The following ARMC9 variants were observed in gnomAD, a reference collection of about 807,000 sequenced individuals.
ARMC9 encodes armadillo repeat containing 9.
In ARMC9, 94 loss-of-function variants were observed where a neutral mutation model predicts 107.0. That is an observed-to-expected ratio of 0.88 (90% CI 0.74 to 1.04). The LOEUF is 1.04. Among genes scored for constraint, ARMC9 ranks in the 50% least tolerant of loss-of-function variants. The pLI, the probability that ARMC9 is intolerant of heterozygous loss-of-function variation, is 0.00. For missense variants in ARMC9, 942 were observed against 1,030.1 expected (o/e 0.91, Z 1.17); for synonymous variants, 380 against 396.9 (o/e 0.96, Z 0.51).
intron 20 of ARMC9, among the ~76,000 whole-genome samples, chr2:231,335,230 G>A (rs1015491517): frequency 6.6e-6 from 1 of 152,208 alleles, no homozygotes; most frequent in Admixed American, 6.5e-5. Flanking sequence ...TGATCCTGCA[G>A]GGTGAGAGCT....
chr2:231,238,095 A>G (rs939605229), intron 8 of ARMC9, among the ~76,000 whole-genome samples: 1 of 151,902 alleles, frequency 6.6e-6, no homozygotes, highest in Non-Finnish European at 1.5e-5. Flanking sequence ...AGTTGGTCAC[A>G]TTGTATTGAA....
In ARMC9 at chr2:231,370,153, G is replaced by A. The variant is rs1259819301; in HGVS notation, c.2434+28G>A. On this transcript the variant is annotated intron_variant, in intron 24 of 24. Coordinates refer to ENST00000611582, the MANE Select transcript of ARMC9 (RefSeq NM_001352754.2). ...AAGTCAGCCTGGGCCCCACTGGCGT[G>A]GGAGCCTGGCCACCCGCCAACCTGC... 8 of 1,485,792 alleles carry A rather than the reference G, an allele frequency of 5.4e-6. No homozygotes were observed. In the Admixed American group the frequency reaches 1.1e-4, roughly 21 times the overall value. 92.0% of individuals were successfully genotyped at this position (1,485,792 alleles called of 1,614,324 possible). A position where few individuals can be genotyped will look rare whatever the true frequency, so the allele number is the denominator to read the frequency against.
chr2:231,209,776 TC>T (rs1271172851), intron 3 of ARMC9, among the ~76,000 whole-genome samples: 1 of 152,154 alleles, frequency 6.6e-6, no homozygotes, highest in African/African-American at 2.4e-5. Context: ...CCTTTGGTGA[TC>T]CACCCGCCTC....
chr2:231,369,887 C>T, intron 23 of ARMC9, 66 bp from the exon 24 acceptor site: 1 of 1,365,984 alleles, frequency 7.3e-7, no homozygotes, highest in Non-Finnish European at 9.5e-7. Context: ...AGCCACCACA[C>T]CCGGCCCCTC....
At chr2:231,235,197 T>C (rs1369187187) in intron 7 of ARMC9, 27 bp from the exon 8 acceptor site, 3 of 1,593,300 alleles carry the variant, frequency 1.9e-6, no homozygotes, top group Non-Finnish European at 1.7e-6. Context: ...TTTTTATTGA[T>C]GTTGTTTGTT....
At position 231,282,112 on chromosome 2, in the gene ARMC9, T is replaced by C; in HGVS notation, c.1605T>C (p.Ile535=). ...ACAGCATCCTTTCTGTTCCATCCAT[T>C]CGTGAGGAAGCAAGAGCAATGGTAA... is the stretch of plus-strand genomic sequence containing the variant. The part of the protein sequence containing the change: ...ALYSILSVPS[I]REEARAMGME... Residue 535 remains isoleucine, a synonymous_variant, in exon 17 of 25, where the codon ATT becomes ATC. Transcript: ENST00000611582. 6.2e-7 allele frequency: 1 copy of C among 1,614,132 alleles called. No homozygotes were observed. Among genetic ancestry groups the C allele is most frequent in the Non-Finnish European group, 8.5e-7 (1 of 1,179,998 alleles).
In ARMC9 at chr2:231,273,053, G is replaced by C. The variant is rs759590237; in HGVS notation, c.1309G>C (p.Gly437Arg). Residue 437 changes from glycine to arginine, a missense_variant, in exon 14 of 25, where the codon GGG (glycine) becomes CGG (arginine). Physicochemically the swap from Gly to Arg is moderately radical, Grantham distance 125. Transcript: ENST00000611582. ...KDIITRENVL[G>R]ALQKFSLRRP... Reference sequence around the variant, plus strand: ...TATCATCACCAGGGAGAATGTTCTTGGGGCCCTGCAGAAGTTCAGTCTCAG... The same window carrying C: ...TATCATCACCAGGGAGAATGTTCTTCGGGCCCTGCAGAAGTTCAGTCTCAG... The C allele has an allele frequency of 2.0e-5, 32 of 1,613,780 alleles. No individual in the cohort carries two copies. In the Admixed American group the frequency reaches 5.3e-4, roughly 27 times the overall value.
intron 19 of ARMC9, among the ~76,000 whole-genome samples, chr2:231,302,572 C>T (rs2041821102): frequency 6.6e-6 from 1 of 151,266 alleles, no homozygotes; most frequent in Non-Finnish European, 1.5e-5. Flanking sequence ...CCTCACACAC[C>T]TGTGTACTTG....
chr2:231,267,317 G>A (rs1359512815), intron 12 of ARMC9, among the ~76,000 whole-genome samples: 7 of 152,046 alleles, frequency 4.6e-5, no homozygotes, highest in African/African-American at 1.4e-4. Flanking sequence ...TTCAACCTCC[G>A]TCTCCTGGGT....
chr2:231,324,277 G>A lies in ARMC9; in HGVS notation c.1774-7516G>A, dbSNP rs568151459. ...TGAGTAGCTGGGACTACAGGCACAC[G>A]CCACCACGCCCAGCTAATTTTTGTA... On this transcript the variant is annotated intron_variant, in intron 19 of 24. Transcript: ENST00000611582. 7.9e-5 allele frequency among the ~76,000 whole-genome samples: 12 copies of A among 151,312 alleles called. No homozygotes were observed. The South Asian group carries it at 1.0e-3, about 13-fold the overall frequency.
intron 7 of ARMC9, among the ~76,000 whole-genome samples, chr2:231,230,232 G>A (rs146148529): frequency 5.7e-4 from 87 of 151,900 alleles, no homozygotes; most frequent in African/African-American, 1.9e-3. Context: ...GCGTGGCGAC[G>A]TACATCTGAA....
At chr2:231,326,877 C>T (rs1001219939) in intron 19 of ARMC9, among the ~76,000 whole-genome samples, 7 of 152,124 alleles carry the variant, frequency 4.6e-5, no homozygotes, top group Admixed American at 3.9e-4. Context: ...GTCAAGGAGC[C>T]AATTATAGTC....
chr2:231,239,870 A>G lies in ARMC9; in HGVS notation c.781-73A>G, dbSNP rs577208719. ...AAGCTGTTGAGAGACCACTCTAACA[A>G]TTGCCAGCGTGCCTCAGGTGTCCCT... On this transcript the variant is annotated intron_variant, in intron 8 of 24. Coordinates refer to ENST00000611582, the MANE Select transcript of ARMC9 (RefSeq NM_001352754.2). The G allele has an allele frequency of 1.2e-4, 157 of 1,296,760 alleles. 1 individual carries two copies. In the East Asian group the frequency reaches 3.7e-3, roughly 31 times the overall value. The allele number at this position is 1,296,760 out of a possible 1,614,324, so 80.3% of individuals were successfully genotyped here.
intron 21 of ARMC9, among the ~76,000 whole-genome samples, chr2:231,351,872 T>A (rs774494786): frequency 3.9e-5 from 6 of 152,174 alleles, no homozygotes; most frequent in Non-Finnish European, 8.8e-5. Flanking sequence ...CAGCACCCTC[T>A]GGTATCCTGT....
At chr2:231,306,503 G>T (rs1335884320) in intron 19 of ARMC9, among the ~76,000 whole-genome samples, 2 of 152,080 alleles carry the variant, frequency 1.3e-5, no homozygotes, top group African/African-American at 4.8e-5. Flanking sequence ...TAGAATTTGA[G>T]ACAAGAAATA....
chr2:231,290,253 A>G (rs1233009320), intron 17 of ARMC9, among the ~76,000 whole-genome samples: 3 of 152,240 alleles, frequency 2.0e-5, no homozygotes, highest in African/African-American at 4.8e-5. Flanking sequence ...TGCAATTACA[A>G]TACTGATTTA....
chr2:231,245,677 C>A (rs1312192872), intron 9 of ARMC9, among the ~76,000 whole-genome samples: 2 of 152,180 alleles, frequency 1.3e-5, no homozygotes, highest in African/African-American at 4.8e-5. Context: ...TGTATATTTT[C>A]TTTATCTTCT....
At chr2:231,263,159 A>G (rs1160400462) in intron 12 of ARMC9, among the ~76,000 whole-genome samples, 2 of 152,276 alleles carry the variant, frequency 1.3e-5, no homozygotes, top group African/African-American at 4.8e-5. Context: ...ATTTCAGTTG[A>G]ATTTTTATCC....
intron 17 of ARMC9, among the ~76,000 whole-genome samples, chr2:231,288,293 A>G (rs2040746970): frequency 6.6e-6 from 1 of 152,204 alleles, no homozygotes; most frequent in South Asian, 2.1e-4. Flanking sequence ...AAAACAATGT[A>G]CATAAAAGGA....
Sources: gnomAD v4.1 joint callset for allele counts (sites outside exome capture counted in the v4.1 genomes callset) on GRCh38, gnomAD v4.1.1 for gene constraint, MANE v1.5 for transcripts, NCBI Gene and HGNC (gene_info 2026-07-23, HGNC 2026-07-21) for gene names.